Variants in ADGRV1 observed in about 807,000 individuals in gnomAD.
ADGRV1 encodes the protein G-protein coupled receptor 98.
A neutral mutation model predicts 596.2 loss-of-function variants in ADGRV1; 359 were observed. That is an observed-to-expected ratio of 0.60 (90% CI 0.55 to 0.66). The LOEUF is 0.66. Ranked by LOEUF, ADGRV1 falls within the 30% of genes least tolerant of loss-of-function variation. The probability of loss-of-function intolerance (pLI) is 0.00; values close to 1 mark genes in which losing one functional copy is unlikely to be tolerated. For synonymous variants in ADGRV1, 2,681 were observed against 2,679.2 expected (o/e 1.00, Z -0.02); for missense variants, 7,274 against 7,575.6 (o/e 0.96, Z 1.48).
chr5:90,599,804 C>T (rs1236742189), intron 1 of ADGRV1, among the ~76,000 whole-genome samples: 1 of 152,020 alleles, frequency 6.6e-6, no homozygotes, highest in Non-Finnish European at 1.5e-5. Context: ...TTCAAACTTC[C>T]TGGGATGGAA....
intron 1 of ADGRV1, among the ~76,000 whole-genome samples, chr5:90,578,718 T>A (rs1245605692): frequency 1.3e-5 from 2 of 152,234 alleles, no homozygotes; most frequent in African/African-American, 4.8e-5. Flanking sequence ...TCTGGTAGAA[T>A]TCGGCTGTGA....
At chr5:91,057,366 A>G (rs1053428721) in intron 85 of ADGRV1, among the ~76,000 whole-genome samples, 9 of 152,260 alleles carry the variant, frequency 5.9e-5, no homozygotes, top group African/African-American at 1.7e-4. Flanking sequence ...CAGCTCCACA[A>G]TTAAGAAGTT....
intron 50 of ADGRV1, among the ~76,000 whole-genome samples, chr5:90,735,576 G>A (rs1215580760): frequency 1.3e-5 from 2 of 152,124 alleles, no homozygotes; most frequent in African/African-American, 4.8e-5. Flanking sequence ...GATAAGGACT[G>A]CATTGAATCT....
At chr5:90,623,755 G>A (rs1400726789) in intron 5 of ADGRV1, among the ~76,000 whole-genome samples, 1 of 152,030 alleles carries the variant, frequency 6.6e-6, no homozygotes, top group Admixed American at 6.6e-5. Context: ...GATGGTGTTT[G>A]TAGCCATTGC....
chr5:90,799,913 A>T lies in ADGRV1; in HGVS notation c.14518-2826A>T, dbSNP rs547646285. On this transcript the variant is annotated intron_variant, in intron 70 of 89. Coordinates refer to ENST00000405460, the MANE Select transcript of ADGRV1 (RefSeq NM_032119.4). ...AAACTGGACCCCTTCCTTATACCTT[A>T]TACAAAAATTAACTCAAGATGGATT... is the stretch of plus-strand genomic sequence containing the variant. Among the ~76,000 whole-genome samples the T allele has an allele frequency of 2.0e-5, 3 of 152,306 alleles. No individual in the cohort carries two copies. The East Asian group carries it at 5.8e-4, about 29-fold the overall frequency.
intron 83 of ADGRV1, among the ~76,000 whole-genome samples, chr5:90,965,046 C>A (rs868030116): frequency 6.6e-6 from 1 of 152,112 alleles, no homozygotes; most frequent in Non-Finnish European, 1.5e-5. Context: ...TCTTTCTTTT[C>A]TCTCCCATTA....
chr5:90,728,797 A>C lies in ADGRV1; in HGVS notation c.10290A>C (p.Leu3430=). 2.5e-6 allele frequency: 4 copies of C among 1,614,010 alleles called. No homozygotes were observed. Among genetic ancestry groups the C allele is most frequent in the Non-Finnish European group, 3.4e-6 (4 of 1,179,874 alleles). The change falls in exon 49 of 90, where the codon CTA becomes CTC. Residue 3430 remains leucine (L), a synonymous_variant. Coordinates refer to ENST00000405460, the MANE Select transcript of ADGRV1 (RefSeq NM_032119.4). ...FLAISQANAR[L]NSLLFRWSGS... The stretch of plus-strand genomic sequence containing the variant: ...CCATTTCCCAGGCTAATGCCAGGCT[A>C]AACTCCCTTTTATTCAGATGGTCTG...
At chr5:91,021,194 C>T (rs919714045) in intron 85 of ADGRV1, among the ~76,000 whole-genome samples, 3 of 152,018 alleles carry the variant, frequency 2.0e-5, no homozygotes, top group South Asian at 2.1e-4. Flanking sequence ...TATCTAACCT[C>T]ATTTTTGTAT....
chr5:90,883,686 C>T (rs1770009112), intron 83 of ADGRV1, among the ~76,000 whole-genome samples: 1 of 152,116 alleles, frequency 6.6e-6, no homozygotes, highest in African/African-American at 2.4e-5. Context: ...TCTCACACCC[C>T]CATTTCCTAA....
chr5:90,988,080 G>C (rs1005788993), intron 85 of ADGRV1, among the ~76,000 whole-genome samples: 9 of 152,172 alleles, frequency 5.9e-5, no homozygotes, highest in South Asian at 2.1e-4. Context: ...GAAGGGAAAA[G>C]TGGTATGCTG....
rs1789635600 is a variant in ADGRV1, at chr5:91,083,882, G to A, written c.18310+11278G>A. ...CAGGAGTTCAAGACTGTAGTGCACT[G>A]TGAGTGTGCTTGTGAATAGCCACTG... On this transcript the variant is annotated intron_variant, in intron 86 of 89. Transcript: ENST00000405460. Among the ~76,000 whole-genome samples, 4 of 152,310 alleles carry A rather than the reference G, an allele frequency of 2.6e-5. No homozygotes were observed. In the South Asian group the frequency reaches 8.3e-4, roughly 32 times the overall value.
chr5:91,022,970 G>A (rs1014877703), intron 85 of ADGRV1, among the ~76,000 whole-genome samples: 2 of 152,098 alleles, frequency 1.3e-5, no homozygotes, highest in African/African-American at 4.8e-5. Context: ...CTAGGGCCTT[G>A]GGGTAGGACA....
At chr5:90,992,938 T>A (rs1386036576) in intron 85 of ADGRV1, among the ~76,000 whole-genome samples, 1 of 152,184 alleles carries the variant, frequency 6.6e-6, no homozygotes, top group Non-Finnish European at 1.5e-5. Flanking sequence ...TTATCCAGTG[T>A]GCATACATAC....
intron 85 of ADGRV1, among the ~76,000 whole-genome samples, chr5:91,024,490 G>A (rs1193175357): frequency 3.3e-5 from 5 of 151,888 alleles, no homozygotes; most frequent in Non-Finnish European, 5.9e-5. Context: ...TCTCTTCTGG[G>A]ATTCAGTTAA....
At chr5:90,797,412 A>G (rs1760862721) in intron 70 of ADGRV1, among the ~76,000 whole-genome samples, 2 of 152,148 alleles carry the variant, frequency 1.3e-5, no homozygotes, top group African/African-American at 2.4e-5. Context: ...GGATCAATGC[A>G]TCAAGAAGAG....
rs574138092 is a variant in ADGRV1, at chr5:90,654,078, C to G, written c.4378+126C>G. 185 of 958,416 alleles carry G rather than the reference C, an allele frequency of 1.9e-4. No individual in the cohort carries two copies. The African/African-American group carries it at 2.7e-3, about 14-fold the overall frequency. 59.4% of individuals were successfully genotyped at this position (958,416 alleles called of 1,614,324 possible). On this transcript the variant is annotated intron_variant, in intron 20 of 89. Coordinates refer to ENST00000405460, the MANE Select transcript of ADGRV1 (RefSeq NM_032119.4). Reference sequence around the variant, plus strand: ...CTCTACTTATGCATTGGTTTAATTTCTTTAATCAAAACTATGTGCCTACCA... The same window carrying G: ...CTCTACTTATGCATTGGTTTAATTTGTTTAATCAAAACTATGTGCCTACCA...
In ADGRV1 at chr5:90,633,242, AC is replaced by A. The variant is rs1002212818; in HGVS notation, c.1840-1871del. ...CTAGGAAATAAGCCCTGTACAATTA[AC>A]ATTTTCTTTTCCATCAGTTCATTTC... On this transcript the variant is annotated intron_variant, in intron 9 of 89. Coordinates refer to ENST00000405460, the MANE Select transcript of ADGRV1 (RefSeq NM_032119.4). 5.9e-5 allele frequency among the ~76,000 whole-genome samples: 9 copies of A among 152,194 alleles called. No homozygotes were observed. The South Asian group carries it at 8.3e-4, about 14-fold the overall frequency.
At chr5:90,942,151 T>G (rs1776213324) in intron 83 of ADGRV1, among the ~76,000 whole-genome samples, 1 of 152,192 alleles carries the variant, frequency 6.6e-6, no homozygotes, top group Non-Finnish European at 1.5e-5. Flanking sequence ...GGCCAAATAT[T>G]TTATGAAAGC....
chr5:91,107,595 G>A (rs969607510), intron 87 of ADGRV1, among the ~76,000 whole-genome samples: 1 of 152,172 alleles, frequency 6.6e-6, no homozygotes, highest in Admixed American at 6.5e-5. Context: ...GTCATTTGTT[G>A]AGAGGAATGG....
Sources: gnomAD v4.1 joint callset for allele counts (sites outside exome capture counted in the v4.1 genomes callset) on GRCh38, gnomAD v4.1.1 for gene constraint, MANE v1.5 for transcripts, NCBI Gene and HGNC (gene_info 2026-07-23, HGNC 2026-07-21) for gene names.